DGKI: variants seen among roughly 807,000 people sequenced by gnomAD.
The protein encoded by DGKI is diacylglycerol kinase iota.
A neutral mutation model predicts 147.5 loss-of-function variants in DGKI; 55 were observed. The ratio of observed to expected loss-of-function variants is 0.37; its 90% confidence interval spans 0.30 to 0.47. The LOEUF is 0.47. Among genes scored for constraint, DGKI ranks in the 20% least tolerant of loss-of-function variants. The pLI is 1.00. For synonymous variants in DGKI, 469 were observed against 477.1 expected (o/e 0.98, Z 0.22); for missense variants, 1,007 against 1,323.8 (o/e 0.76, Z 3.71).
chr7:137,711,818 C>A (rs373406869), intron 1 of DGKI, among the ~76,000 whole-genome samples: 1 of 151,274 alleles, frequency 6.6e-6, no homozygotes, highest in African/African-American at 2.4e-5. Context: ...CTCAGCCTCC[C>A]GAGTAGCTGG....
At chr7:137,599,623 A>G (rs780776309) in intron 11 of DGKI, among the ~76,000 whole-genome samples, 200 bp downstream of exon 11, 16 of 152,232 alleles carry the variant, frequency 1.1e-4, no homozygotes, top group Non-Finnish European at 2.1e-4. Flanking sequence ...TTAATAGCTG[A>G]GAAGATATGT....
intron 28 of DGKI, among the ~76,000 whole-genome samples, chr7:137,419,183 G>A (rs1028975403): frequency 3.9e-5 from 6 of 152,010 alleles, no homozygotes; most frequent in African/African-American, 7.2e-5. Flanking sequence ...AATAACCCCC[G>A]GAAAAAGTTT....
intron 3 of DGKI, among the ~76,000 whole-genome samples, chr7:137,658,656 A>G (rs893159558): frequency 1.3e-5 from 2 of 152,160 alleles, no homozygotes; most frequent in African/African-American, 4.8e-5. Context: ...GTCTGTTACG[A>G]AAGTCACTGA....
intron 1 of DGKI, among the ~76,000 whole-genome samples, chr7:137,770,299 C>T (rs1796144970): frequency 6.6e-6 from 1 of 151,490 alleles, no homozygotes. Flanking sequence ...GGGAACAACA[C>T]ACATCAGGGC....
chr7:137,723,753 A>G (rs1331578545), intron 1 of DGKI, among the ~76,000 whole-genome samples: 2 of 120,524 alleles, frequency 1.7e-5, no homozygotes, highest in South Asian at 2.6e-4. Context: ...TCTGTCACCC[A>G]GGCTGGAGTA....
At chr7:137,801,934 C>T (rs1052128775) in intron 1 of DGKI, among the ~76,000 whole-genome samples, 3 of 152,068 alleles carry the variant, frequency 2.0e-5, no homozygotes, top group African/African-American at 7.3e-5. Flanking sequence ...TTGGAAGACA[C>T]GAGCACACAC....
intron 1 of DGKI, among the ~76,000 whole-genome samples, chr7:137,837,502 C>A (rs1021532003): frequency 6.6e-6 from 1 of 152,170 alleles, no homozygotes; most frequent in African/African-American, 2.4e-5. Context: ...TCCCAAAAGT[C>A]ACATGTTGAA....
At chr7:137,832,093 G>T (rs1798236830) in intron 1 of DGKI, among the ~76,000 whole-genome samples, 1 of 152,194 alleles carries the variant, frequency 6.6e-6, no homozygotes, top group Non-Finnish European at 1.5e-5. Flanking sequence ...GCAGGGTATA[G>T]CCCCTCTCCT....
At chr7:137,742,150 A>G (rs1795190341) in intron 1 of DGKI, among the ~76,000 whole-genome samples, 1 of 152,126 alleles carries the variant, frequency 6.6e-6, no homozygotes. Context: ...AGGAAAAGAG[A>G]TAAACTCACA....
chr7:137,467,249 C>G (rs1196896482), intron 24 of DGKI, among the ~76,000 whole-genome samples: 1 of 152,202 alleles, frequency 6.6e-6, no homozygotes, highest in Non-Finnish European at 1.5e-5. Context: ...CAGACAGAAC[C>G]TGCTGACCCT....
intron 20 of DGKI, among the ~76,000 whole-genome samples, chr7:137,542,714 T>A (rs1470291020): frequency 6.6e-6 from 1 of 152,172 alleles, no homozygotes; most frequent in East Asian, 1.9e-4. Context: ...TCTTAAACTT[T>A]ATGGAACTGT....
intron 1 of DGKI, among the ~76,000 whole-genome samples, chr7:137,825,615 GACAC>G (rs954037865): frequency 3.4e-4 from 51 of 151,252 alleles, no homozygotes; most frequent in African/African-American, 1.2e-3. Context: ...CCAACACACA[GACAC>G]ACACACACTC....
At chr7:137,809,234 AG>A (rs1319108427) in intron 1 of DGKI, among the ~76,000 whole-genome samples, 1 of 152,228 alleles carries the variant, frequency 6.6e-6, no homozygotes, top group Non-Finnish European at 1.5e-5. Flanking sequence ...ATTGAAATGA[AG>A]AAAAACTGGA....
intron 21 of DGKI, among the ~76,000 whole-genome samples, chr7:137,503,903 A>G (rs1484215443): frequency 6.6e-6 from 1 of 152,196 alleles, no homozygotes; most frequent in Non-Finnish European, 1.5e-5. Context: ...CTGCCCTTTC[A>G]TAAATTCCCA....
rs138553339 is a variant in DGKI at position 137,784,011 on chromosome 7, C to A, written c.401+62451G>T. 6.2e-3 allele frequency among the ~76,000 whole-genome samples: 949 copies of A among 152,244 alleles called. 15 individuals carry two copies. Among genetic ancestry groups the A allele is most frequent in the African/African-American group, 0.02 (846 of 41,544 alleles). On this transcript the variant is annotated intron_variant, in intron 1 of 32. Transcript: ENST00000614521. The stretch of plus-strand genomic sequence containing the variant: ...CTTGAAACAAATCCTCAAAATAGAA[C>A]CTTCTTAAATCATAAACCTCACAGT...
At chr7:137,764,245 C>A (rs1397137639) in intron 1 of DGKI, among the ~76,000 whole-genome samples, 1 of 152,142 alleles carries the variant, frequency 6.6e-6, no homozygotes, top group East Asian at 1.9e-4. Flanking sequence ...TTTTAAAAAG[C>A]TTCCTGAGCA....
intron 1 of DGKI, among the ~76,000 whole-genome samples, chr7:137,796,536 A>C (rs1226112870): frequency 2.0e-5 from 3 of 152,222 alleles, no homozygotes; most frequent in Admixed American, 6.5e-5. Flanking sequence ...AAAGAACTAA[A>C]GTACATCTTG....
In DGKI at chr7:137,756,870, C is replaced by G. The variant is rs1795700193; in HGVS notation, c.402-66868G>C. 4.6e-5 allele frequency among the ~76,000 whole-genome samples: 7 copies of G among 152,138 alleles called. No homozygotes were observed. The South Asian group carries it at 1.5e-3, about 32-fold the overall frequency. ...AGCCCTCTCCTAACCACACAAGGAC[C>G]ACTAATACCTACCCACAATTTAATT... On this transcript the variant is annotated intron_variant, in intron 1 of 32. Transcript: ENST00000614521.
chr7:137,805,773 C>T (rs1797346411), intron 1 of DGKI, among the ~76,000 whole-genome samples: 1 of 152,152 alleles, frequency 6.6e-6, no homozygotes, highest in Non-Finnish European at 1.5e-5. Flanking sequence ...TCTCTTAGAA[C>T]TGAATAATTG....
Sources: allele counts gnomAD v4.1 joint callset (sites outside exome capture counted in the v4.1 genomes callset), GRCh38; gene constraint gnomAD v4.1.1; transcripts MANE v1.5; gene names NCBI Gene and HGNC (gene_info 2026-07-23, HGNC 2026-07-21).